SRGAP3: variants seen among roughly 807,000 people sequenced by gnomAD.
SRGAP3 encodes the protein SLIT-ROBO Rho GTPase activating protein 3.
SRGAP3 carries 39 observed loss-of-function variants against 121.1 expected under a neutral mutation model. The ratio of observed to expected loss-of-function variants is 0.32; its 90% CI spans 0.25 to 0.42. SRGAP3 has a LOEUF of 0.42. SRGAP3 is among the 10% of genes least tolerant of loss of function. The pLI is 1.00. For missense variants in SRGAP3, 1,213 were observed against 1,470.6 expected (o/e 0.82, Z 2.86); for synonymous variants, 601 against 570.0 (o/e 1.05, Z -0.77).
rs187973523 is a variant in SRGAP3 at position 9,080,222 on chromosome 3, T to C, written c.424-135A>G. ...GTACAGAAATCAGCATAAATTTCATTGATCTACAACAACATAAATTCCTCA... is the reference window on the plus strand; with the variant it reads ...GTACAGAAATCAGCATAAATTTCATCGATCTACAACAACATAAATTCCTCA... On this transcript the variant is annotated intron_variant, in intron 3 of 21. Coordinates refer to ENST00000383836, the MANE Select transcript of SRGAP3 (RefSeq NM_014850.4). 5.4e-4 allele frequency: 426 copies of C among 785,312 alleles called. 3 individuals carry two copies. In the East Asian group the frequency reaches 9.0e-3, roughly 17 times the overall value. 48.6% of individuals were successfully genotyped at this position (785,312 alleles called of 1,614,324 possible).
intron 3 of SRGAP3, among the ~76,000 whole-genome samples, chr3:9,307,220 C>T (rs1202177779): frequency 6.6e-6 from 1 of 152,184 alleles, no homozygotes; most frequent in Admixed American, 6.5e-5. Flanking sequence ...GCAATCCACC[C>T]ACCTCAGCCT....
In SRGAP3 at chr3:9,285,442, G is replaced by A. The variant is rs982669161; in HGVS notation, n.442+40568C>T. Among the ~76,000 whole-genome samples, 5 of 152,224 alleles carry A rather than the reference G, an allele frequency of 3.3e-5. No individual in the cohort carries two copies. In the East Asian group the frequency reaches 7.7e-4, roughly 24 times the overall value. ...TAAAAGAATTCTCCAACCTACCTGT[G>A]AGGAGACTCATATTTGAGAGGTATC... On this transcript the variant is annotated intron_variant and non_coding_transcript_variant, in intron 3 of 3. Coordinates refer to the SRGAP3 transcript ENST00000490889.
At chr3:9,207,667 A>G (rs1440035001) in intron 1 of SRGAP3, among the ~76,000 whole-genome samples, 3 of 152,186 alleles carry the variant, frequency 2.0e-5, no homozygotes, top group African/African-American at 4.8e-5. Context: ...ACGGGGAAGC[A>G]CTGAAGCTGA....
At chr3:9,273,790 A>ATTT (rs36045665) in intron 3 of SRGAP3, among the ~76,000 whole-genome samples, 2 of 138,756 alleles carry the variant, frequency 1.4e-5, no homozygotes, top group African/African-American at 2.6e-5. Flanking sequence ...GTTCAACTTC[A>ATTT]TTTTTTTTTT....
At chr3:9,050,780 C>T (rs914175376) in intron 9 of SRGAP3, among the ~76,000 whole-genome samples, 9 of 152,160 alleles carry the variant, frequency 5.9e-5, no homozygotes, top group Non-Finnish European at 8.8e-5. Flanking sequence ...TTGTGAACAC[C>T]GTAGGCTCCA....
intron 1 of SRGAP3, among the ~76,000 whole-genome samples, chr3:9,236,875 T>G: frequency 6.6e-6 from 1 of 152,174 alleles, no homozygotes; most frequent in East Asian, 1.9e-4. Context: ...ATTCTTATCT[T>G]TGATAAGACT....
chr3:9,330,703 C>T (rs1955592371), intron 1 of SRGAP3: 1 of 152,148 alleles, frequency 6.6e-6, no homozygotes, highest in Non-Finnish European at 1.5e-5. Context: ...CCCACAGAGA[C>T]TCCATGGGTA....
At chr3:9,114,899 G>T (rs984023601) in intron 2 of SRGAP3, among the ~76,000 whole-genome samples, 7 of 152,208 alleles carry the variant, frequency 4.6e-5, no homozygotes, top group Admixed American at 1.3e-4. Flanking sequence ...TCTACTGGAT[G>T]TCTGATAGGC....
intron 3 of SRGAP3, among the ~76,000 whole-genome samples, chr3:9,254,907 G>T (rs955365571): frequency 9.5e-5 from 14 of 147,190 alleles, no homozygotes; most frequent in Non-Finnish European, 1.5e-4. Context: ...AGGAAGGAAG[G>T]AAGGGAGGGG....
At chr3:9,126,375 T>C (rs751637816) in intron 1 of SRGAP3, among the ~76,000 whole-genome samples, 3 of 152,214 alleles carry the variant, frequency 2.0e-5, no homozygotes, top group Non-Finnish European at 4.4e-5. Flanking sequence ...CTCATGCCTT[T>C]AATCCCAGCA....
chr3:9,342,119 G>C lies in SRGAP3; in HGVS notation n.215-11523C>G, dbSNP rs893067395. 2.0e-5 allele frequency among the ~76,000 whole-genome samples: 3 copies of C among 152,194 alleles called. No homozygotes were observed. The South Asian group carries it at 6.2e-4, about 31-fold the overall frequency. ...TAATCCCAGCACTTCGGGAAGCCGA[G>C]GCAGGCGAATCACCTGAGGCCAGGA... On this transcript the variant is annotated intron_variant and non_coding_transcript_variant, in intron 1 of 3. Coordinates refer to the SRGAP3 transcript ENST00000490889.
At chr3:9,006,133 T>G (rs780927) in intron 18 of SRGAP3, among the ~76,000 whole-genome samples, 123,792 of 151,956 alleles carry the variant, frequency 0.81, 51,199 homozygotes, top group African/African-American at 0.93. Flanking sequence ...GGGCGTGGTG[T>G]CTCACACCTG....
intron 12 of SRGAP3, among the ~76,000 whole-genome samples, chr3:9,031,694 C>T (rs1311066250): frequency 6.6e-6 from 1 of 152,226 alleles, no homozygotes; most frequent in Non-Finnish European, 1.5e-5. Context: ...CTGAGGATCA[C>T]AAGTAGACAG....
chr3:9,091,270 C>A (rs895207543), intron 3 of SRGAP3, among the ~76,000 whole-genome samples: 5 of 152,026 alleles, frequency 3.3e-5, no homozygotes, highest in Admixed American at 6.6e-5. Flanking sequence ...TCTCTCTTTT[C>A]TCACTCTTTG....
chr3:9,080,168 C>T, intron 3 of SRGAP3, 81 bp from the exon 4 acceptor site: 1 of 1,476,352 alleles, frequency 6.8e-7, no homozygotes, highest in Non-Finnish European at 9.5e-7. Flanking sequence ...AGCGAAAGGT[C>T]AGGAATGTTT....
chr3:9,271,321 G>A (rs892764690), intron 3 of SRGAP3, among the ~76,000 whole-genome samples: 2 of 152,140 alleles, frequency 1.3e-5, no homozygotes, highest in African/African-American at 4.8e-5. Context: ...GCAATAGAGC[G>A]AGACCCTGTC....
intron 1 of SRGAP3, among the ~76,000 whole-genome samples, chr3:9,187,108 C>A (rs547215004): frequency 8.0e-5 from 12 of 149,354 alleles, no homozygotes; most frequent in Admixed American, 2.7e-4. Context: ...GCTATCCCTC[C>A]CCCAGCCCCC....
At chr3:9,125,062 G>C in intron 1 of SRGAP3, 145 bp from the exon 2 acceptor site, 1 of 907,824 alleles carries the variant, frequency 1.1e-6, no homozygotes, top group Non-Finnish European at 1.7e-6. Flanking sequence ...CCAGAGCTCA[G>C]ACCTTGCTTG....
chr3:9,314,707 C>A (rs991194904), intron 3 of SRGAP3, among the ~76,000 whole-genome samples: 1 of 149,348 alleles, frequency 6.7e-6, no homozygotes, highest in African/African-American at 2.5e-5. Flanking sequence ...GGGCTGTGAT[C>A]CCCCACCTCC....
Sources: allele counts gnomAD v4.1 joint callset (sites outside exome capture counted in the v4.1 genomes callset), GRCh38; gene constraint gnomAD v4.1.1; transcripts MANE v1.5; gene names NCBI Gene and HGNC (gene_info 2026-07-23, HGNC 2026-07-21).